TBXAS1: variants seen among roughly 807,000 people sequenced by gnomAD.
The protein encoded by TBXAS1 is thromboxane-A synthase.
A neutral mutation model predicts 60.7 loss-of-function variants in TBXAS1; 48 were observed. That is an observed-to-expected ratio of 0.79 (90% CI 0.63 to 1.01). The LOEUF (loss-of-function observed/expected upper bound fraction) is 1.01, where lower values mean the gene tolerates loss of function less well. TBXAS1 is among the 50% of genes least tolerant of loss of function. The probability of loss-of-function intolerance (pLI) is 0.00; values close to 1 mark genes in which losing one functional copy is unlikely to be tolerated. For synonymous variants in TBXAS1, 287 were observed against 269.7 expected (o/e 1.06, Z -0.63); for missense variants, 685 against 686.3 (o/e 1.00, Z 0.02).
intron 1 of TBXAS1, among the ~76,000 whole-genome samples, chr7:139,839,515 C>A (rs1569497716): frequency 1.3e-5 from 2 of 151,620 alleles, no homozygotes; most frequent in Non-Finnish European, 2.9e-5. Flanking sequence ...GTACCAAGAC[C>A]CAGAGGTACA....
In TBXAS1 at chr7:140,018,932, T is replaced by A. The variant is rs1362631836; in HGVS notation, c.1528-1093T>A. ...ATCCTGCCCACTCCCAAGCTCTCCC[T>A]CCTTCCTGACATCTGGCTACGTCTC... On this transcript the variant is annotated intron_variant, in intron 12 of 12. Coordinates refer to ENST00000448866, the MANE Select transcript of TBXAS1 (RefSeq NM_001061.7). Among the ~76,000 whole-genome samples the A allele has an allele frequency of 6.6e-5, 10 of 152,202 alleles. No homozygotes were observed. In the East Asian group the frequency reaches 1.9e-3, roughly 29 times the overall value.
At chr7:139,936,026 T>A (rs558274021) in intron 4 of TBXAS1, among the ~76,000 whole-genome samples, 165 bp from the exon 5 acceptor site, 1 of 152,354 alleles carries the variant, frequency 6.6e-6, no homozygotes, top group South Asian at 2.1e-4. Flanking sequence ...TTTCTATCAC[T>A]GCCTGTAAGC....
intron 10 of TBXAS1, among the ~76,000 whole-genome samples, chr7:140,010,479 C>T (rs1054177680): frequency 7.9e-5 from 12 of 152,062 alleles, no homozygotes; most frequent in South Asian, 2.1e-4. Flanking sequence ...GTTCAGTTTA[C>T]GGGGAAGGGA....
At chr7:139,949,237 C>T (rs545396568) in intron 5 of TBXAS1, among the ~76,000 whole-genome samples, 29 of 152,296 alleles carry the variant, frequency 1.9e-4, no homozygotes, top group African/African-American at 7.0e-4. Context: ...GTGTAAATCA[C>T]ATTTTATGTT....
At chr7:139,922,093 CTTTTTCTTTTTT>C (rs947485311) in intron 4 of TBXAS1, among the ~76,000 whole-genome samples, 21 of 148,844 alleles carry the variant, frequency 1.4e-4, no homozygotes, top group African/African-American at 5.2e-4. Flanking sequence ...AGAACTTTTT[CTTTTTCTTTTTT>C]TTTTTTTTTC....
At chr7:139,862,927 G>T (rs1400706257) in intron 1 of TBXAS1, among the ~76,000 whole-genome samples, 3 of 152,196 alleles carry the variant, frequency 2.0e-5, no homozygotes, top group Non-Finnish European at 4.4e-5. Flanking sequence ...GGGACAGAAA[G>T]GGACAGTAAG....
At chr7:139,851,589 C>G (rs1222084815) in intron 1 of TBXAS1, among the ~76,000 whole-genome samples, 1 of 152,188 alleles carries the variant, frequency 6.6e-6, no homozygotes, top group African/African-American at 2.4e-5. Flanking sequence ...ACAATGACAT[C>G]TGGGCTAGTG....
At chr7:139,849,825 C>A (rs1800089341) in intron 1 of TBXAS1, among the ~76,000 whole-genome samples, 1 of 152,234 alleles carries the variant, frequency 6.6e-6, no homozygotes, top group African/African-American at 2.4e-5. Context: ...TGAAATACAG[C>A]AACCAGGGGA....
At chr7:140,016,755 T>C (rs571801515) in intron 11 of TBXAS1, 108 of 153,228 alleles carry the variant, frequency 7.0e-4, no homozygotes, top group Non-Finnish European at 1.4e-3. Flanking sequence ...GTCAATATCC[T>C]GTGTGTGTGA....
intron 4 of TBXAS1, 25 bp from the exon 5 acceptor site, chr7:139,936,165 AC>A (rs1807752435): frequency 6.2e-7 from 1 of 1,613,122 alleles, no homozygotes; most frequent in South Asian, 1.1e-5. Context: ...CTGAGTCCTG[AC>A]CCTCTGCTTG....
intron 9 of TBXAS1, among the ~76,000 whole-genome samples, chr7:139,979,364 C>A (rs1438503092): frequency 6.6e-6 from 1 of 152,090 alleles, no homozygotes; most frequent in Non-Finnish European, 1.5e-5. Flanking sequence ...ATGTGTCCAT[C>A]TTTACCATAA....
intron 5 of TBXAS1, among the ~76,000 whole-genome samples, chr7:139,947,531 T>C (rs1447634132): frequency 6.6e-6 from 1 of 152,192 alleles, no homozygotes; most frequent in Non-Finnish European, 1.5e-5. Flanking sequence ...AACCTGCATG[T>C]CCTGCACATG....
chr7:139,798,606 G>A (rs1417320635), intron 4 of TBXAS1, among the ~76,000 whole-genome samples: 2 of 152,174 alleles, frequency 1.3e-5, no homozygotes, highest in African/African-American at 2.4e-5. Flanking sequence ...TTCCTACACC[G>A]AGGCTCAAAG....
At chr7:139,955,394 A>AG in intron 6 of TBXAS1, 65 bp from the exon 7 acceptor site, 1 of 1,595,408 alleles carries the variant, frequency 6.3e-7, no homozygotes, top group Non-Finnish European at 8.6e-7. Flanking sequence ...CCTCCTCTGG[A>AG]GGGGGCCATT....
chr7:140,011,421 C>T (rs1490230740), intron 10 of TBXAS1, among the ~76,000 whole-genome samples: 1 of 151,834 alleles, frequency 6.6e-6, no homozygotes, highest in Non-Finnish European at 1.5e-5. Context: ...AAGTATTCTT[C>T]TAGAAATGTT....
intron 1 of TBXAS1, among the ~76,000 whole-genome samples, chr7:139,851,779 A>G (rs1348446837): frequency 2.6e-5 from 4 of 152,230 alleles, no homozygotes; most frequent in African/African-American, 9.6e-5. Flanking sequence ...TTTGTTCACA[A>G]TAGGGCACAG....
intron 1 of TBXAS1, among the ~76,000 whole-genome samples, chr7:139,831,562 T>C (rs1037743900): frequency 2.6e-5 from 4 of 152,192 alleles, no homozygotes; most frequent in Non-Finnish European, 5.9e-5. Flanking sequence ...TTGCAGCACA[T>C]TAGTCTTTGC....
chr7:139,802,413 T>C (rs768174054), intron 4 of TBXAS1, among the ~76,000 whole-genome samples: 3 of 152,174 alleles, frequency 2.0e-5, no homozygotes, highest in African/African-American at 4.8e-5. Context: ...TGGGAGGTCA[T>C]TGAATCATGG....
rs539583120 is a variant in TBXAS1, at chr7:139,894,816, A to G, written c.237-16409A>G. Among the ~76,000 whole-genome samples, 3 of 152,340 alleles carry G rather than the reference A, an allele frequency of 2.0e-5. No individual in the cohort carries two copies. In the South Asian group the frequency reaches 6.2e-4, roughly 32 times the overall value. ...GCCCTGCTCCAGATGTTGTCCACTCAACAGACATTTCAGTCTTTGCTACGT... is the reference window on the plus strand; with the variant it reads ...GCCCTGCTCCAGATGTTGTCCACTCGACAGACATTTCAGTCTTTGCTACGT... On this transcript the variant is annotated intron_variant, in intron 3 of 12. Transcript: ENST00000448866.
Sources: allele counts gnomAD v4.1 joint callset (sites outside exome capture counted in the v4.1 genomes callset), GRCh38; gene constraint gnomAD v4.1.1; transcripts MANE v1.5; gene names NCBI Gene and HGNC (gene_info 2026-07-23, HGNC 2026-07-21).